MACROD2: variants seen among roughly 807,000 people sequenced by gnomAD.
MACROD2 encodes mono-ADP ribosylhydrolase 2.
MACROD2 carries 36 observed loss-of-function variants against 70.4 expected under a neutral mutation model. That is an observed-to-expected ratio of 0.51 (90% CI 0.39 to 0.68). The LOEUF is 0.68. Among genes scored for constraint, MACROD2 ranks in the 30% least tolerant of loss-of-function variants. MACROD2 has a pLI of 0.00. For synonymous variants in MACROD2, 172 were observed against 178.8 expected, an observed-to-expected ratio of 0.96 and a Z score of 0.30; for missense variants, 496 against 538.4, an observed-to-expected ratio of 0.92 and a Z score of 0.78.
intron 2 of MACROD2, among the ~76,000 whole-genome samples, chr20:14,045,247 C>T (rs1156901631): frequency 7.9e-5 from 12 of 152,254 alleles, no homozygotes; most frequent in Non-Finnish European, 1.8e-4. Context: ...CAGCGGTGGG[C>T]TGAAGGGCCC....
At chr20:14,761,293 A>G (rs1407423120) in intron 5 of MACROD2, among the ~76,000 whole-genome samples, 2 of 152,124 alleles carry the variant, frequency 1.3e-5, no homozygotes, top group Non-Finnish European at 2.9e-5. Context: ...GTAAATTCCC[A>G]ATCAACAGTT....
chr20:15,275,197 A>G (rs2077380001), intron 6 of MACROD2, among the ~76,000 whole-genome samples: 1 of 152,216 alleles, frequency 6.6e-6, no homozygotes, highest in African/African-American at 2.4e-5. Context: ...TATTTTATTT[A>G]AAAACCAAAC....
intron 15 of MACROD2, among the ~76,000 whole-genome samples, chr20:16,020,116 A>G (rs767190919): frequency 1.3e-5 from 2 of 152,166 alleles, no homozygotes; most frequent in Non-Finnish European, 2.9e-5. Flanking sequence ...CACGGGTCCC[A>G]TGGCCTTCTG....
At chr20:15,800,854 T>G (rs2147071492) in intron 8 of MACROD2, among the ~76,000 whole-genome samples, 1 of 152,080 alleles carries the variant, frequency 6.6e-6, no homozygotes, top group African/African-American at 2.4e-5. Flanking sequence ...AGAAAAATTC[T>G]TCTGCCTTGG....
At chr20:14,130,463 C>T (rs2148698603) in intron 3 of MACROD2, among the ~76,000 whole-genome samples, 1 of 152,066 alleles carries the variant, frequency 6.6e-6, no homozygotes. Context: ...CAGAGAATTG[C>T]TTGAACCCAG....
intron 3 of MACROD2, among the ~76,000 whole-genome samples, chr20:14,447,898 G>A (rs2084200200): frequency 6.6e-6 from 1 of 151,556 alleles, no homozygotes; most frequent in African/African-American, 2.4e-5. Context: ...AGCTGCTGGA[G>A]GGTTAGAATG....
At chr20:14,161,125 G>C (rs1176049434) in intron 3 of MACROD2, among the ~76,000 whole-genome samples, 3 of 151,642 alleles carry the variant, frequency 2.0e-5, no homozygotes, top group African/African-American at 7.3e-5. Context: ...TTTTACTTGG[G>C]ATAATGGCCT....
chr20:15,179,325 A>G lies in MACROD2; in HGVS notation c.419-50615A>G, dbSNP rs187025898. On this transcript the variant is annotated intron_variant, in intron 5 of 17. Transcript: ENST00000684519. ...AAACAATTCTACCTGTGCAGAGACA[A>G]GCCAGATTGTTTAGTAAATTACCAT... Among the ~76,000 whole-genome samples the G allele has an allele frequency of 2.3e-3, 355 of 152,290 alleles. 5 individuals carry two copies. The South Asian group carries it at 0.035, about 15-fold the overall frequency.
At chr20:14,154,247 G>A (rs1315477899) in intron 3 of MACROD2, among the ~76,000 whole-genome samples, 1 of 152,066 alleles carries the variant, frequency 6.6e-6, no homozygotes, top group South Asian at 2.1e-4. Flanking sequence ...TATTCCTGAC[G>A]AGTGTACTGG....
intron 12 of MACROD2, among the ~76,000 whole-genome samples, chr20:15,941,655 A>G (rs1269974628): frequency 6.6e-6 from 1 of 152,204 alleles, no homozygotes; most frequent in East Asian, 1.9e-4. Flanking sequence ...CTCTGCAGTT[A>G]TAAGATTGCT....
intron 8 of MACROD2, among the ~76,000 whole-genome samples, chr20:15,672,067 C>T (rs2049987272): frequency 6.6e-6 from 1 of 152,138 alleles, no homozygotes; most frequent in African/African-American, 2.4e-5. Flanking sequence ...ATCCAGGACT[C>T]ACTAAGCTGC....
intron 3 of MACROD2, among the ~76,000 whole-genome samples, chr20:14,348,322 A>G (rs962405330): frequency 3.3e-5 from 5 of 151,832 alleles, no homozygotes; most frequent in Non-Finnish European, 1.5e-5. Flanking sequence ...GAAAAGATGT[A>G]TCGGTATTAG....
chr20:15,229,193 G>C (rs1039895060), intron 5 of MACROD2, among the ~76,000 whole-genome samples: 28 of 152,126 alleles, frequency 1.8e-4, no homozygotes, highest in Non-Finnish European at 3.8e-4. Context: ...TAAAAGAATA[G>C]CACAATGGCT....
At chr20:15,613,359 G>A (rs1408200467) in intron 8 of MACROD2, among the ~76,000 whole-genome samples, 1 of 152,166 alleles carries the variant, frequency 6.6e-6, no homozygotes, top group Non-Finnish European at 1.5e-5. Flanking sequence ...TGGCATGTCT[G>A]TGTAATACTG....
Position 14,946,107 on chromosome 20 carries a change from G to A in MACROD2, c.418+261148G>A, listed in dbSNP as rs539030300. Among the ~76,000 whole-genome samples, 27 of 152,102 alleles carry A rather than the reference G, an allele frequency of 1.8e-4. No individual in the cohort carries two copies. The East Asian group carries it at 3.9e-3, about 22-fold the overall frequency. ...CCAGCTACTGGGGAGGCTGAGGCAC[G>A]AGAACTGCTTGAGCCCAGGAGGTGG... On this transcript the variant is annotated intron_variant, in intron 5 of 17. Coordinates refer to ENST00000684519, the MANE Select transcript of MACROD2 (RefSeq NM_001351661.2).
At chr20:14,118,589 G>C (rs886824866) in intron 3 of MACROD2, among the ~76,000 whole-genome samples, 4 of 152,160 alleles carry the variant, frequency 2.6e-5, no homozygotes, top group Non-Finnish European at 4.4e-5. Context: ...CAGCTCCCTA[G>C]AACTATGCTG....
chr20:15,893,868 G>C (rs1346915189), intron 10 of MACROD2: 2 of 456,674 alleles, frequency 4.4e-6, no homozygotes, highest in African/African-American at 4.0e-5. Context: ...GAGAGAAATG[G>C]GCAATGGAGC....
chr20:14,313,755 C>A (rs1040825), intron 3 of MACROD2, among the ~76,000 whole-genome samples: 134,663 of 152,230 alleles, frequency 0.88, 59,808 homozygotes, highest in Non-Finnish European at 0.92. Context: ...AAGATCAGCC[C>A]TTGATAGACT....
intron 8 of MACROD2, among the ~76,000 whole-genome samples, chr20:15,781,485 A>G (rs992900276): frequency 6.6e-6 from 1 of 152,188 alleles, no homozygotes; most frequent in African/African-American, 2.4e-5. Context: ...TCCAAGATCA[A>G]GATGCTAGCA....
Sources: gnomAD v4.1 joint callset for allele counts (sites outside exome capture counted in the v4.1 genomes callset) on GRCh38, gnomAD v4.1.1 for gene constraint, MANE v1.5 for transcripts, NCBI Gene and HGNC (gene_info 2026-07-23, HGNC 2026-07-21) for gene names.